Variants in ACADSB observed in about 807,000 individuals in gnomAD.
ACADSB encodes acyl-CoA dehydrogenase short/branched chain, also known as short/branched chain specific acyl-CoA dehydrogenase, mitochondrial.
ACADSB carries 40 observed loss-of-function variants against 54.1 expected under a neutral mutation model. The ratio of observed to expected loss-of-function variants is 0.74; its 90% CI spans 0.57 to 0.96. The LOEUF (loss-of-function observed/expected upper bound fraction) is 0.96. Among genes scored for constraint, ACADSB ranks in the 40% least tolerant of loss-of-function variants. ACADSB has a pLI of 0.00. For synonymous variants in ACADSB, 182 were observed against 182.8 expected, an observed-to-expected ratio of 1.00 and a Z score of 0.03; for missense variants, 530 against 510.4, an observed-to-expected ratio of 1.04 and a Z score of -0.37.
At chr10:123,037,920 C>A (rs1449698956) in intron 3 of ACADSB, 73 bp downstream of exon 3, 1 of 1,042,686 alleles carries the variant, frequency 9.6e-7, no homozygotes, top group Non-Finnish European at 1.5e-6. Context: ...GCATAATGAA[C>A]CCTGCATTTC....
At chr10:123,014,387 G>C (rs1850085142) in intron 1 of ACADSB, among the ~76,000 whole-genome samples, 1 of 152,216 alleles carries the variant, frequency 6.6e-6, no homozygotes, top group Non-Finnish European at 1.5e-5. Flanking sequence ...AGGCTGGAGT[G>C]CAGTGATACA....
intron 7 of ACADSB, among the ~76,000 whole-genome samples, chr10:123,045,477 G>A (rs1850550311): frequency 6.6e-6 from 1 of 151,868 alleles, no homozygotes; most frequent in African/African-American, 2.4e-5. Context: ...ACCGCGCCCG[G>A]CGTTTGTAGA....
chr10:123,046,295 G>A (rs897320313), intron 7 of ACADSB, among the ~76,000 whole-genome samples: 14 of 152,144 alleles, frequency 9.2e-5, no homozygotes, highest in Admixed American at 7.2e-4. Flanking sequence ...AGTCTGCTGG[G>A]CATTTCCCCC....
At chr10:123,027,160 T>G in intron 1 of ACADSB, among the ~76,000 whole-genome samples, 1 of 152,212 alleles carries the variant, frequency 6.6e-6, no homozygotes, top group South Asian at 2.1e-4. Flanking sequence ...AAGTCAGGCA[T>G]GTAAACCACA....
chr10:123,018,044 G>C (rs1347639278), intron 1 of ACADSB, among the ~76,000 whole-genome samples: 4 of 152,068 alleles, frequency 2.6e-5, no homozygotes, highest in Admixed American at 2.6e-4. Context: ...GGTATAATGA[G>C]GTATGTTCGA....
intron 1 of ACADSB, among the ~76,000 whole-genome samples, chr10:123,016,526 C>T (rs1379602649): frequency 6.6e-6 from 1 of 152,222 alleles, no homozygotes; most frequent in African/African-American, 2.4e-5. Flanking sequence ...ACCTATTAAG[C>T]TAGGTTACAG....
intron 1 of ACADSB, among the ~76,000 whole-genome samples, chr10:123,010,402 T>C (rs1201884534): frequency 2.0e-5 from 3 of 152,236 alleles, no homozygotes; most frequent in Non-Finnish European, 2.9e-5. Context: ...ACCTATTTTG[T>C]TTGAACTTTT....
intron 1 of ACADSB, among the ~76,000 whole-genome samples, chr10:123,010,082 T>C (rs1322734813): frequency 6.6e-6 from 1 of 152,262 alleles, no homozygotes; most frequent in African/African-American, 2.4e-5. Context: ...AAGTGATTAT[T>C]GTTTAATACT....
chr10:123,017,606 C>G (rs1331668931), intron 1 of ACADSB, among the ~76,000 whole-genome samples: 1 of 152,242 alleles, frequency 6.6e-6, no homozygotes, highest in African/African-American at 2.4e-5. Context: ...GTGTGAGCCA[C>G]CTCACCGGGT....
intron 5 of ACADSB, among the ~76,000 whole-genome samples, chr10:123,041,875 C>T (rs933494833): frequency 2.6e-5 from 4 of 152,042 alleles, no homozygotes; most frequent in East Asian, 3.8e-4. Context: ...GGAACCACTC[C>T]GCCACAGATA....
intron 3 of ACADSB, among the ~76,000 whole-genome samples, chr10:123,038,824 G>T (rs540338270): frequency 2.6e-4 from 39 of 152,324 alleles, no homozygotes; most frequent in African/African-American, 8.2e-4. Flanking sequence ...GAACCATAGT[G>T]GTCAAACAGG....
chr10:123,038,216 A>G (rs573265450), intron 3 of ACADSB, among the ~76,000 whole-genome samples: 9 of 152,208 alleles, frequency 5.9e-5, no homozygotes, highest in Non-Finnish European at 1.3e-4. Flanking sequence ...AAGGGATGCC[A>G]CTCAACATCC....
In ACADSB at chr10:123,053,746, A is replaced by G. The variant is rs1850664834; in HGVS notation, c.1280A>G (p.His427Arg). 3 of 1,614,060 alleles carry G rather than the reference A, an allele frequency of 1.9e-6. No homozygotes were observed. The highest frequency in any genetic ancestry group is 1.1e-5 in the South Asian group (1 of 91,080). ...SNIQLNTIAK[H>R]IDAEY Reference sequence around the variant, plus strand: ...ATCCAGTTGAACACCATTGCAAAGCATATCGATGCAGAATACTGACGTCTA... The same window carrying G: ...ATCCAGTTGAACACCATTGCAAAGCGTATCGATGCAGAATACTGACGTCTA... Residue 427 changes from histidine (H) to arginine (R), a missense_variant, in exon 11 of 11, where the codon CAT (histidine) becomes CGT (arginine). Transcript: ENST00000358776.
rs765721613 is a variant in ACADSB, at chr10:123,034,502, G to A, written c.189G>A (p.Met63Ile). 1 of 1,609,050 alleles carries A rather than the reference G, an allele frequency of 6.2e-7. No individual in the cohort carries two copies. Residue 63 changes from methionine to isoleucine, a missense_variant, in exon 2 of 11, where the codon ATG (methionine) becomes ATA (isoleucine). Physicochemically the swap from Met to Ile is conservative, Grantham distance 10 (BLOSUM62 1). Transcript: ENST00000358776. ...AAACATTTACAGATGAGGAAATGAT[G>A]ATAAAGAGTTCAGGTAAGTAAATTT... ...PLQTFTDEEM[M>I]IKSSVKKFAQ...
At position 123,052,950 on chromosome 10, in the gene ACADSB, C is replaced by T. The variant is rs1021024632; in HGVS notation, c.1129-111C>T. Reference sequence around the variant, plus strand: ...TGCTAGTTTAGAAGATAACTTTAGTCCTTCCAGTGCCACTAACAGTAAATC... The same window carrying T: ...TGCTAGTTTAGAAGATAACTTTAGTTCTTCCAGTGCCACTAACAGTAAATC... On this transcript the variant is annotated intron_variant, in intron 9 of 10. Coordinates refer to ENST00000358776, the MANE Select transcript of ACADSB (RefSeq NM_001609.4). This position sits in a 1 kb window ranked among gnomAD's most constrained non-coding sequence, Gnocchi z 4.2. 6 of 804,320 alleles carry T rather than the reference C, an allele frequency of 7.5e-6. No individual in the cohort carries two copies. The South Asian group carries it at 8.5e-5, about 11-fold the overall frequency. 49.8% of individuals were successfully genotyped at this position (804,320 alleles called of 1,614,324 possible).
intron 1 of ACADSB, among the ~76,000 whole-genome samples, chr10:123,032,313 A>G (rs1020897689): frequency 6.6e-6 from 1 of 152,126 alleles, no homozygotes; most frequent in Non-Finnish European, 1.5e-5. Context: ...ACTTAGGTAC[A>G]AAGGTGATAT....
chr10:123,041,489 C>T, intron 5 of ACADSB, 110 bp downstream of exon 5: 3 of 1,094,444 alleles, frequency 2.7e-6, no homozygotes, highest in Non-Finnish European at 4.1e-6. Context: ...ACTCTTTAGT[C>T]TTCTCAGTAC....
intron 3 of ACADSB, among the ~76,000 whole-genome samples, chr10:123,038,561 C>G (rs1172750685): frequency 6.6e-6 from 1 of 152,198 alleles, no homozygotes; most frequent in East Asian, 1.9e-4. Context: ...TCATTTCTCA[C>G]TTCCGCAGAG....
intron 1 of ACADSB, among the ~76,000 whole-genome samples, chr10:123,024,053 G>A (rs111866103): frequency 0.014 from 2,115 of 152,314 alleles, 31 homozygotes; most frequent in Middle Eastern, 0.024. Context: ...CAGAGGCAAT[G>A]GCCTACTATG....
Sources: allele counts gnomAD v4.1 joint callset (sites outside exome capture counted in the v4.1 genomes callset), GRCh38; gene constraint gnomAD v4.1.1; non-coding constraint Gnocchi (gnomAD v3.1); transcripts MANE v1.5; gene names NCBI Gene and HGNC (gene_info 2026-07-23, HGNC 2026-07-21).